RAB3B: variants seen among roughly 807,000 people sequenced by gnomAD.
The protein encoded by RAB3B is ras-related protein Rab-3B.
RAB3B carries 11 observed loss-of-function variants against 20.5 expected under a neutral mutation model. That is an observed-to-expected ratio of 0.54 (90% CI 0.34 to 0.89). The LOEUF (loss-of-function observed/expected upper bound fraction) is 0.89. Ranked by LOEUF, RAB3B falls within the 40% of genes least tolerant of loss-of-function variation. The pLI is 0.02. For synonymous variants in RAB3B, 99 were observed against 106.3 expected, an observed-to-expected ratio of 0.93 and a Z score of 0.42; for missense variants, 225 against 280.9, an observed-to-expected ratio of 0.80 and a Z score of 1.42.
intron 2 of RAB3B, among the ~76,000 whole-genome samples, chr1:51,966,268 C>A (rs1257150159): frequency 1.3e-5 from 2 of 152,262 alleles, no homozygotes; most frequent in African/African-American, 4.8e-5. Context: ...CTTTGTGAGA[C>A]CTGCAATGAT....
At chr1:51,986,306 A>G (rs1685150853) in intron 1 of RAB3B, among the ~76,000 whole-genome samples, 1 of 151,946 alleles carries the variant, frequency 6.6e-6, no homozygotes, top group Admixed American at 6.6e-5. Context: ...ACCCGCCACC[A>G]TACCCGGCTA....
At position 51,988,556 on chromosome 1, in the gene RAB3B, TTGTACATTGTTTTACA is replaced by T. The variant is rs1685178819; in HGVS notation, c.-1+1980_-1+1995del. Among the ~76,000 whole-genome samples, 15 of 152,350 alleles carry T rather than the reference TTGTACATTGTTTTACA, an allele frequency of 9.8e-5. 1 individual carries two copies. The South Asian group carries it at 3.1e-3, about 32-fold the overall frequency. On this transcript the variant is annotated intron_variant, in intron 1 of 4. Transcript: ENST00000371655. ...AGAATAACATCAGTGGCCTCTCTCT[TTGTACATTGTTTTACA>T]GTTTACAAAGTTCTTTTCACCCACA...
chr1:51,911,380 TTTTG>T lies in RAB3B; in HGVS notation c.*8543_*8546del, dbSNP rs776942343. 8 of 152,076 alleles carry T rather than the reference TTTTG, an allele frequency of 5.3e-5. No individual in the cohort carries two copies. Among genetic ancestry groups the T allele is most frequent in the Non-Finnish European group, 1.2e-4 (8 of 68,044 alleles). The allele number at this position is 152,076 out of a possible 1,614,324, so 9.4% of individuals were successfully genotyped here. On this transcript the variant is annotated 3_prime_UTR_variant, in exon 5 of 5. Coordinates refer to ENST00000371655, the MANE Select transcript of RAB3B (RefSeq NM_002867.4). The stretch of plus-strand genomic sequence containing the variant: ...GGATTTTCTGAATGACCCAGGTTTT[TTTTG>T]TTTGTTTTTGTTTGTTTGTTTGTTT...
chr1:51,967,521 C>CTTTTTTTTTTTCTTTTTTTTTTTT (rs1684871175), intron 2 of RAB3B, among the ~76,000 whole-genome samples: 1 of 36,496 alleles, frequency 2.7e-5, no homozygotes, highest in Non-Finnish European at 5.7e-5. Context: ...TTTTCTTTTT[C>CTTTTTTTTTTTCTTTTTTTTTTTT]TTTTTTTTTT....
intron 2 of RAB3B, among the ~76,000 whole-genome samples, chr1:51,975,991 T>TAA (rs747925765): frequency 1.5e-5 from 2 of 135,536 alleles, no homozygotes; most frequent in Non-Finnish European, 1.6e-5. Context: ...GACTCCGTCT[T>TAA]AAAAAAAAAA....
At chr1:51,937,717 G>A (rs926356219) in intron 2 of RAB3B, among the ~76,000 whole-genome samples, 2 of 151,564 alleles carry the variant, frequency 1.3e-5, no homozygotes, top group Admixed American at 6.6e-5. Context: ...GGCAGGTCTC[G>A]AACTCCTGAC....
chr1:51,989,810 C>G (rs968636875), intron 1 of RAB3B, among the ~76,000 whole-genome samples: 1 of 151,496 alleles, frequency 6.6e-6, no homozygotes, highest in Non-Finnish European at 1.5e-5. Context: ...AAGCCCCACC[C>G]CTCGTCTTCC....
chr1:51,941,404 A>T (rs1192776812), intron 2 of RAB3B, among the ~76,000 whole-genome samples: 1 of 152,156 alleles, frequency 6.6e-6, no homozygotes, highest in African/African-American at 2.4e-5. Context: ...AATGGACTGG[A>T]AGGAGAAGAG....
intron 2 of RAB3B, among the ~76,000 whole-genome samples, chr1:51,963,130 A>T (rs780312599): frequency 6.6e-6 from 1 of 151,882 alleles, no homozygotes. Context: ...AGTGATATTG[A>T]TCTCTGACCC....
At position 51,910,838 on chromosome 1, in the gene RAB3B, G is replaced by C. The variant is rs1310778252; in HGVS notation, c.*9089C>G. 6.6e-6 allele frequency: 1 copy of C among 152,154 alleles called. No individual in the cohort carries two copies. Among genetic ancestry groups the C allele is most frequent in the Non-Finnish European group, 1.5e-5 (1 of 68,044 alleles). 9.4% of individuals were successfully genotyped at this position (152,154 alleles called of 1,614,324 possible). A position where few individuals can be genotyped will look rare whatever the true frequency, so the allele number is the denominator to read the frequency against. On this transcript the variant is annotated 3_prime_UTR_variant, in exon 5 of 5. Transcript: ENST00000371655. ...GAAACAGATGCATTTGAATCTGAAA[G>C]GAGACAGGAATCCTAATCCTACTGC...
rs547709063 is a variant in RAB3B at position 51,912,516 on chromosome 1, G to A, written c.*7411C>T. On this transcript the variant is annotated 3_prime_UTR_variant, in exon 5 of 5. Transcript: ENST00000371655. ...TGAGGCCAGAATTTGAAACCAGCTT[G>A]GGCAACATAGCAAGACCGTCTCTAT... is the stretch of plus-strand genomic sequence containing the variant. The A allele has an allele frequency of 3.3e-5, 4 of 123,074 alleles. No homozygotes were observed. The highest frequency in any genetic ancestry group is 1.3e-4 in the African/African-American group (4 of 31,546). The allele number at this position is 123,074 out of a possible 1,614,324, so 7.6% of individuals were successfully genotyped here. A position where few individuals can be genotyped will look rare whatever the true frequency, so the allele number is the denominator to read the frequency against.
At chr1:51,988,327 GT>G (rs547229202) in intron 1 of RAB3B, among the ~76,000 whole-genome samples, 28 of 152,232 alleles carry the variant, frequency 1.8e-4, no homozygotes, top group African/African-American at 6.0e-4. Flanking sequence ...CCTTCTCATT[GT>G]TTTCCCAGGT....
intron 2 of RAB3B, among the ~76,000 whole-genome samples, chr1:51,948,531 C>T (rs955930945): frequency 2.6e-5 from 4 of 152,190 alleles, no homozygotes; most frequent in African/African-American, 7.2e-5. Flanking sequence ...GAATACAAGC[C>T]GGTACTTGCT....
intron 1 of RAB3B, among the ~76,000 whole-genome samples, chr1:51,979,955 G>A (rs1211802648): frequency 6.6e-6 from 1 of 151,916 alleles, no homozygotes; most frequent in Admixed American, 6.6e-5. Context: ...GCAGGAAAAT[G>A]GCGTGAACCA....
intron 2 of RAB3B, among the ~76,000 whole-genome samples, chr1:51,944,174 C>T (rs574129904): frequency 2.2e-4 from 33 of 152,304 alleles, no homozygotes; most frequent in Admixed American, 1.4e-3. Context: ...CAAAACTATG[C>T]TAAATCTACC....
chr1:51,979,046 T>G (rs1439639659), intron 1 of RAB3B, among the ~76,000 whole-genome samples: 1 of 152,172 alleles, frequency 6.6e-6, no homozygotes, highest in Non-Finnish European at 1.5e-5. Flanking sequence ...GTAAGTTCCA[T>G]CCCTGTATCA....
chr1:51,914,417 CCTTTA>C lies in RAB3B; in HGVS notation c.*5505_*5509del, dbSNP rs1447334196. 6.6e-6 allele frequency: 1 copy of C among 152,106 alleles called. No homozygotes were observed. The highest frequency in any genetic ancestry group is 1.5e-5 in the Non-Finnish European group (1 of 68,022). 9.4% of individuals were successfully genotyped at this position (152,106 alleles called of 1,614,324 possible). Reference sequence around the variant, plus strand: ...TGTTCTCACAGCATCACGTGCCTTTCCTTTAGAGTACTTTGTAATTATATTTGGGT... The same window carrying C: ...TGTTCTCACAGCATCACGTGCCTTTCGAGTACTTTGTAATTATATTTGGGT... On this transcript the variant is annotated 3_prime_UTR_variant, in exon 5 of 5. Coordinates refer to ENST00000371655, the MANE Select transcript of RAB3B (RefSeq NM_002867.4).
intron 4 of RAB3B, among the ~76,000 whole-genome samples, chr1:51,929,896 G>A (rs772920851): frequency 2.6e-5 from 4 of 152,138 alleles, no homozygotes; most frequent in Middle Eastern, 3.2e-3. Context: ...TTGGCTCAGC[G>A]TGCTCAATAA....
At chr1:51,923,943 A>G (rs186070030) in intron 4 of RAB3B, among the ~76,000 whole-genome samples, 1 of 152,326 alleles carries the variant, frequency 6.6e-6, no homozygotes. Context: ...TACATATGGT[A>G]TCTTCATTCT....
Sources: allele counts gnomAD v4.1 joint callset (sites outside exome capture counted in the v4.1 genomes callset), GRCh38; gene constraint gnomAD v4.1.1; transcripts MANE v1.5; gene names NCBI Gene and HGNC (gene_info 2026-07-23, HGNC 2026-07-21).